The following KLRG2 variants were observed in gnomAD, a reference collection of about 807,000 sequenced individuals.
KLRG2 encodes killer cell lectin like receptor G2.
Under a neutral mutation model 35.4 loss-of-function variants are expected in KLRG2, and 39 were observed. The ratio of observed to expected loss-of-function variants is 1.10; its 90% CI spans 0.85 to 1.44. The LOEUF (loss-of-function observed/expected upper bound fraction) is 1.44, where lower values mean the gene tolerates loss of function less well. Ranked by LOEUF, KLRG2 falls within the 40% of genes most tolerant of loss-of-function variation. The pLI is 0.00. For synonymous variants in KLRG2, 283 were observed against 265.8 expected (o/e 1.06, Z -0.63); for missense variants, 632 against 570.9 (o/e 1.11, Z -1.09).
rs193016535 is a variant in KLRG2, at chr7:139,464,930, C to T, written c.1006-10716G>A. 3.9e-5 allele frequency among the ~76,000 whole-genome samples: 6 copies of T among 152,380 alleles called. No individual in the cohort carries two copies. In the East Asian group the frequency reaches 1.2e-3, roughly 29 times the overall value. On this transcript the variant is annotated intron_variant, in intron 3 of 4. Transcript: ENST00000340940. ...TCTGGCTCCTTCAGCTATACTCGCT[C>T]TTTGTTGAGTCTCCCACAATTACCA...
intron 3 of KLRG2, among the ~76,000 whole-genome samples, chr7:139,466,016 T>TAGGTTACAAGCCGCTGGTCTGC (rs1796647813): frequency 1.3e-5 from 2 of 152,192 alleles, no homozygotes; most frequent in Non-Finnish European, 2.9e-5. Context: ...CTCTTCCATG[T>TAGGTTACAAGCCGCTGGTCTGC]AGGTTACAAG....
downstream of KLRG2, among the ~76,000 whole-genome samples, chr7:139,452,106 T>G (rs2116418013): frequency 6.6e-6 from 1 of 151,696 alleles, no homozygotes; most frequent in Non-Finnish European, 1.5e-5. Context: ...GTAGCTAGAA[T>G]TACAGGCACC....
chr7:139,477,545 A>G (rs1796872133), intron 3 of KLRG2, among the ~76,000 whole-genome samples: 1 of 152,070 alleles, frequency 6.6e-6, no homozygotes, highest in African/African-American at 2.4e-5. Context: ...AAAGAGAGAG[A>G]GAGAAAAGGC....
intron 3 of KLRG2, among the ~76,000 whole-genome samples, chr7:139,467,790 G>C (rs1353838416): frequency 6.6e-6 from 1 of 150,832 alleles, no homozygotes; most frequent in Non-Finnish European, 1.5e-5. Context: ...CATGGGAAGG[G>C]AAAGACCTGA....
Position 139,483,606 on chromosome 7 carries a change from C to T in KLRG2, c.37G>A (p.Ala13Thr). ...ESWEAAPGGQAGAELPMEPVG... is the reference protein window; with the variant it reads ...ESWEAAPGGQTGAELPMEPVG... ...GGCTCCATTGGGAGCTCTGCCCCGG[C>T]TTGGCCTCCGGGCGCAGCCTCCCAA... The change falls in exon 1 of 5, where the codon GCC becomes ACC. Residue 13 changes from alanine (A) to threonine (T), a missense_variant. Coordinates refer to ENST00000340940, the MANE Select transcript of KLRG2 (RefSeq NM_198508.4). 1 of 1,584,636 alleles carries T rather than the reference C, an allele frequency of 6.3e-7. No individual in the cohort carries two copies. The highest frequency in any genetic ancestry group is 1.4e-5 in the African/African-American group (1 of 73,780).
Position 139,483,226 on chromosome 7 carries a change from G to A in KLRG2, c.417C>T (p.Ser139=). 6.5e-7 allele frequency: 1 copy of A among 1,533,750 alleles called. No homozygotes were observed. The highest frequency in any genetic ancestry group is 8.7e-7 in the Non-Finnish European group (1 of 1,151,124). The change falls in exon 1 of 5, where the codon AGC becomes AGT. Residue 139 remains serine, a synonymous_variant. Coordinates refer to ENST00000340940, the MANE Select transcript of KLRG2 (RefSeq NM_198508.4). The part of the protein sequence containing the change: ...RVKPVGAAGG[S]STPSPRPSTR... The stretch of plus-strand genomic sequence containing the variant: ...TGGAGGGCCTGGGCGATGGCGTGCT[G>A]CTGCCACCGGCCGCGCCCACGGGCT...
intron 3 of KLRG2, among the ~76,000 whole-genome samples, chr7:139,461,509 C>T (rs1796566825): frequency 6.6e-6 from 1 of 152,192 alleles, no homozygotes; most frequent in African/African-American, 2.4e-5. Flanking sequence ...TCCCCTGTGA[C>T]CTGCACGTAT....
chr7:139,445,793 G>GTATATATATATATGTATATATATATATA, the KLRG2 span, among the ~76,000 whole-genome samples: 11 of 95,562 alleles, frequency 1.2e-4, 1 homozygote, highest in African/African-American at 6.6e-4. Context: ...ATATATATAT[G>GTATATATATATATGTATATATATATATA]TGTGTATATA....
chr7:139,445,136 A>C, the KLRG2 span, among the ~76,000 whole-genome samples: 1 of 150,164 alleles, frequency 6.7e-6, no homozygotes, highest in African/African-American at 2.5e-5. Context: ...GCTAGAGTGC[A>C]GTGGTGCAAT....
intron 1 of KLRG2, among the ~76,000 whole-genome samples, chr7:139,481,878 G>T (rs112334609): frequency 0.044 from 6,688 of 151,932 alleles, 494 homozygotes; most frequent in African/African-American, 0.15. Context: ...AGTGAGCCGA[G>T]ATTGTGCCAT....
At chr7:139,442,884 A>T in the KLRG2 span, among the ~76,000 whole-genome samples, 1 of 152,110 alleles carries the variant, frequency 6.6e-6, no homozygotes, top group African/African-American at 2.4e-5. Context: ...AGCACAATTG[A>T]AAAGAAGTAA....
the KLRG2 span, among the ~76,000 whole-genome samples, chr7:139,446,086 G>A: frequency 2.0e-5 from 3 of 151,882 alleles, no homozygotes; most frequent in East Asian, 1.9e-4. Context: ...CAGGTGATCC[G>A]CCCGCCTCGG....
chr7:139,427,323 T>G, the KLRG2 span, among the ~76,000 whole-genome samples: 2 of 151,870 alleles, frequency 1.3e-5, no homozygotes, highest in East Asian at 1.9e-4. Flanking sequence ...GTGTTAGAGG[T>G]TTGGGGTCTG....
chr7:139,465,419 G>A (rs2116449858), intron 3 of KLRG2, among the ~76,000 whole-genome samples: 1 of 152,230 alleles, frequency 6.6e-6, no homozygotes, highest in South Asian at 2.1e-4. Context: ...GTCACCGGGC[G>A]CGGTGGCTCA....
At chr7:139,445,914 C>T in the KLRG2 span, among the ~76,000 whole-genome samples, 2 of 151,070 alleles carry the variant, frequency 1.3e-5, no homozygotes, top group Admixed American at 1.3e-4. Flanking sequence ...TCACTGCAGC[C>T]TCCGCCTCCT....
At chr7:139,463,153 GCT>G (rs1302361307) in intron 3 of KLRG2, among the ~76,000 whole-genome samples, 3 of 152,120 alleles carry the variant, frequency 2.0e-5, no homozygotes, top group African/African-American at 7.2e-5. Context: ...TAGCGTTTAG[GCT>G]CTTTTTCATC....
chr7:139,447,432 G>A, the KLRG2 span, among the ~76,000 whole-genome samples: 15 of 139,906 alleles, frequency 1.1e-4, no homozygotes, highest in African/African-American at 2.8e-4. Context: ...ACAGAGTCTC[G>A]CTCTGTCACC....
chr7:139,447,171 A>G, the KLRG2 span, among the ~76,000 whole-genome samples: 1 of 152,002 alleles, frequency 6.6e-6, no homozygotes, highest in Non-Finnish European at 1.5e-5. Flanking sequence ...TGAAAGAGAT[A>G]GTTTCAGATC....
intron 3 of KLRG2, among the ~76,000 whole-genome samples, chr7:139,476,039 T>C: frequency 6.6e-6 from 1 of 152,292 alleles, no homozygotes; most frequent in African/African-American, 2.4e-5. Context: ...TTTGAGTGTT[T>C]TTCCTACACA....
Sources: gnomAD v4.1 joint callset for allele counts (sites outside exome capture counted in the v4.1 genomes callset) on GRCh38, gnomAD v4.1.1 for gene constraint, MANE v1.5 for transcripts, NCBI Gene and HGNC (gene_info 2026-07-23, HGNC 2026-07-21) for gene names.